The following DEPDC5 variants were observed in gnomAD, a reference collection of about 807,000 sequenced individuals.
The protein encoded by DEPDC5 is DEP domain containing 5, GATOR1 subcomplex subunit.
Under a neutral mutation model 217.3 loss-of-function variants are expected in DEPDC5, and 73 were observed. The ratio of observed to expected loss-of-function variants is 0.34; its 90% CI spans 0.28 to 0.41. The LOEUF (loss-of-function observed/expected upper bound fraction) is 0.41, where lower values mean the gene tolerates loss of function less well. DEPDC5 is among the 10% of genes least tolerant of loss of function. The probability of loss-of-function intolerance (pLI) is 1.00; values close to 1 mark genes in which losing one functional copy is unlikely to be tolerated. For missense variants in DEPDC5, 1,675 were observed against 2,070.1 expected (o/e 0.81, Z 3.70); for synonymous variants, 733 against 756.7 (o/e 0.97, Z 0.51).
At chr22:31,786,142 A>T (rs1263852417) in intron 10 of DEPDC5, among the ~76,000 whole-genome samples, 2 of 151,920 alleles carry the variant, frequency 1.3e-5, no homozygotes, top group Non-Finnish European at 2.9e-5. Flanking sequence ...CTGTAATCCC[A>T]CTACTCAGGA....
intron 13 of DEPDC5, 62 bp downstream of exon 13, chr22:31,797,765 A>T: frequency 7.9e-7 from 1 of 1,272,720 alleles, no homozygotes; most frequent in Non-Finnish European, 1.1e-6. Flanking sequence ...GGTCTGGGAG[A>T]CAGAGAAGAG....
chr22:31,786,424 T>TAAA (rs138288), intron 10 of DEPDC5, among the ~76,000 whole-genome samples: 3 of 80,138 alleles, frequency 3.7e-5, no homozygotes, highest in South Asian at 4.0e-4. Flanking sequence ...ATGTGGTAGC[T>TAAA]AAAAAAAAAA....
chr22:31,829,021 T>C (rs2090383538), intron 24 of DEPDC5, among the ~76,000 whole-genome samples: 1 of 152,176 alleles, frequency 6.6e-6, no homozygotes, highest in Non-Finnish European at 1.5e-5. Flanking sequence ...AGGATCAGAA[T>C]TCCCCCTGCC....
intron 37 of DEPDC5, among the ~76,000 whole-genome samples, chr22:31,877,313 T>C (rs1271774805): frequency 1.3e-5 from 2 of 150,570 alleles, no homozygotes; most frequent in Non-Finnish European, 3.0e-5. Flanking sequence ...GGCAGGCACC[T>C]GTAATCCCAG....
intron 23 of DEPDC5, 99 bp from the exon 24 acceptor site, chr22:31,822,594 A>T (rs1487763846): frequency 8.3e-7 from 1 of 1,200,056 alleles, no homozygotes; most frequent in Non-Finnish European, 1.2e-6. Flanking sequence ...TTCAGGCCTG[A>T]TTTTTATGAA....
At chr22:31,905,891 C>A in intron 41 of DEPDC5, 93 bp from the exon 42 acceptor site, 1 of 1,120,836 alleles carries the variant, frequency 8.9e-7, no homozygotes, top group Admixed American at 2.0e-5. Context: ...CTCTGTGTCT[C>A]AGGCTGTCCG....
At chr22:31,769,631 A>G (rs1205317912) in intron 7 of DEPDC5, 2 of 152,136 alleles carry the variant, frequency 1.3e-5, no homozygotes, top group Non-Finnish European at 2.9e-5. Flanking sequence ...TTAAATTCAA[A>G]AAGTGGCTGG....
intron 33 of DEPDC5, among the ~76,000 whole-genome samples, chr22:31,869,115 G>T (rs1174155304): frequency 6.6e-6 from 1 of 152,084 alleles, no homozygotes; most frequent in Non-Finnish European, 1.5e-5. Context: ...GCGCATGCCT[G>T]TAGTCCCAGT....
chr22:31,837,166 G>A lies in DEPDC5; in HGVS notation c.2354+11G>A. On this transcript the variant is annotated intron_variant, in intron 26 of 42. Coordinates refer to ENST00000651528, the MANE Select transcript of DEPDC5 (RefSeq NM_001242896.3). ...AGCAGACATCGACAGGTCAGTGTCA[G>A]AGAAAAAGGCACTTGGCTTGGTTGG... The A allele has an allele frequency of 6.2e-7, 1 of 1,613,610 alleles. No homozygotes were observed.
rs1340822330 is a variant in DEPDC5 at position 31,870,760 on chromosome 22, G to A, written c.3485+16G>A. On this transcript the variant is annotated intron_variant, in intron 34 of 42. Coordinates refer to ENST00000651528, the MANE Select transcript of DEPDC5 (RefSeq NM_001242896.3). ...GTGACAGCAGGTGAGATTCAGAGTG[G>A]CCAAACTCATGTTCCTGGGGAGTGG... 1.3e-6 allele frequency: 2 copies of A among 1,532,722 alleles called. No individual in the cohort carries two copies. The highest frequency in any genetic ancestry group is 2.8e-5 in the African/African-American group (2 of 71,708). The allele number at this position is 1,532,722 out of a possible 1,614,324, so 94.9% of individuals were successfully genotyped here.
rs376754665 is a variant in DEPDC5 at position 31,856,320 on chromosome 22, C to A, written c.3156-1125C>A. On this transcript the variant is annotated intron_variant, in intron 31 of 42. Coordinates refer to ENST00000651528, the MANE Select transcript of DEPDC5 (RefSeq NM_001242896.3). ...GAAGGGGCCAACAACTGAGACAGAGCCTCCTAGACAGCCCTCTCAGTGCTG... is the reference window on the plus strand; with the variant it reads ...GAAGGGGCCAACAACTGAGACAGAGACTCCTAGACAGCCCTCTCAGTGCTG... Among the ~76,000 whole-genome samples the A allele has an allele frequency of 2.0e-5, 3 of 152,086 alleles. No homozygotes were observed. In the South Asian group the frequency reaches 6.2e-4, roughly 32 times the overall value.
chr22:31,872,090 A>G (rs1180938823), intron 34 of DEPDC5, among the ~76,000 whole-genome samples: 2 of 152,216 alleles, frequency 1.3e-5, no homozygotes, highest in Non-Finnish European at 2.9e-5. Flanking sequence ...GAAAGGGAGA[A>G]GTTCAAAGAA....
chr22:31,873,348 C>G lies in DEPDC5; in HGVS notation c.3563+16C>G. On this transcript the variant is annotated intron_variant, in intron 35 of 42. Coordinates refer to ENST00000651528, the MANE Select transcript of DEPDC5 (RefSeq NM_001242896.3). ...AGCACCCCTCGTAAGTGGCTCACCA[C>G]AGTGTAGGGTTGGAAGGTTCCCAGA... 1.2e-6 allele frequency: 2 copies of G among 1,613,164 alleles called. No individual in the cohort carries two copies. Among genetic ancestry groups the G allele is most frequent in the Non-Finnish European group, 1.7e-6 (2 of 1,179,276 alleles).
At chr22:31,806,225 T>A (rs1568963239) in intron 18 of DEPDC5, 34 bp downstream of exon 18, 2 of 1,575,416 alleles carry the variant, frequency 1.3e-6, no homozygotes, top group Non-Finnish European at 1.7e-6. Flanking sequence ...CGGGGTCTTA[T>A]TATGTGGTCC....
At chr22:31,866,816 G>C (rs919409250) in intron 33 of DEPDC5, among the ~76,000 whole-genome samples, 2 of 152,148 alleles carry the variant, frequency 1.3e-5, no homozygotes, top group Non-Finnish European at 2.9e-5. Context: ...TACTCAAAAA[G>C]AATACCCCAG....
intron 37 of DEPDC5, among the ~76,000 whole-genome samples, chr22:31,877,365 A>AGAT (rs2093023711): frequency 7.5e-6 from 1 of 132,864 alleles, no homozygotes; most frequent in African/African-American, 2.8e-5. Flanking sequence ...TGAACCCAGG[A>AGAT]GGCAGAGGTT....
chr22:31,798,878 A>T (rs567852150), intron 14 of DEPDC5, among the ~76,000 whole-genome samples: 3 of 152,308 alleles, frequency 2.0e-5, no homozygotes, highest in African/African-American at 7.2e-5. Context: ...CGAAAGCAAG[A>T]GGAGGAACAC....
chr22:31,790,179 C>T (rs1243441173), intron 10 of DEPDC5, among the ~76,000 whole-genome samples: 1 of 152,104 alleles, frequency 6.6e-6, no homozygotes, highest in Non-Finnish European at 1.5e-5. Context: ...GGTACTGTGG[C>T]TTGTATTTAG....
intron 13 of DEPDC5, 36 bp from the exon 14 acceptor site, chr22:31,798,546 G>T (rs1266874329): frequency 6.4e-7 from 1 of 1,571,160 alleles, no homozygotes; most frequent in South Asian, 1.1e-5. Flanking sequence ...CATGTTTCAT[G>T]AGATGTTTTT....
Sources: gnomAD v4.1 joint callset for allele counts (sites outside exome capture counted in the v4.1 genomes callset) on GRCh38, gnomAD v4.1.1 for gene constraint, MANE v1.5 for transcripts, NCBI Gene and HGNC (gene_info 2026-07-23, HGNC 2026-07-21) for gene names.